The following PAPSS1 variants were observed in gnomAD, a reference collection of about 807,000 sequenced individuals.
The protein encoded by PAPSS1 is bifunctional 3'-phosphoadenosine 5'-phosphosulfate synthase 1.
Under a neutral mutation model 72.0 loss-of-function variants are expected in PAPSS1, and 50 were observed. That is an observed-to-expected ratio of 0.69 (90% CI 0.55 to 0.88). The LOEUF is 0.88. Ranked by LOEUF, PAPSS1 falls within the 40% of genes least tolerant of loss-of-function variation. The probability of loss-of-function intolerance (pLI) is 0.00; values close to 1 mark genes in which losing one functional copy is unlikely to be tolerated. For synonymous variants in PAPSS1, 261 were observed against 263.6 expected, an observed-to-expected ratio of 0.99 and a Z score of 0.09; for missense variants, 657 against 782.2, an observed-to-expected ratio of 0.84 and a Z score of 1.91.
intron 5 of PAPSS1, among the ~76,000 whole-genome samples, chr4:107,679,097 G>A (rs1727734599): frequency 6.6e-6 from 1 of 152,144 alleles, no homozygotes; most frequent in Non-Finnish European, 1.5e-5. Flanking sequence ...TATGCAGGGA[G>A]GGGAAGGAGC....
rs758487025 is a variant in PAPSS1, at chr4:107,720,204, G to C, written c.-25C>G. On this transcript the variant is annotated 5_prime_UTR_variant, in exon 1 of 12. Coordinates refer to ENST00000265174, the MANE Select transcript of PAPSS1 (RefSeq NM_005443.5). ...TGACCGCGGAGCGCGCTGAGCAGCC[G>C]GGGTTCTCTGCGCCGGGAGGGTAGC... 4.4e-6 allele frequency: 7 copies of C among 1,594,340 alleles called. No homozygotes were observed. The highest frequency in any genetic ancestry group is 4.1e-5 in the African/African-American group (3 of 72,918).
chr4:107,699,248 T>C (rs1723148084), intron 2 of PAPSS1, among the ~76,000 whole-genome samples: 1 of 151,770 alleles, frequency 6.6e-6, no homozygotes, highest in East Asian at 1.9e-4. Context: ...TATTACAAGA[T>C]TTAGACAACA....
At chr4:107,615,940 G>A (rs78684711) in intron 11 of PAPSS1, among the ~76,000 whole-genome samples, 5,568 of 152,174 alleles carry the variant, frequency 0.037, 357 homozygotes, top group African/African-American at 0.13. Context: ...ACCAGACACC[G>A]CATCTGCTGG....
intron 10 of PAPSS1, 97 bp downstream of exon 10, chr4:107,644,705 C>A: frequency 8.3e-7 from 1 of 1,205,064 alleles, no homozygotes; most frequent in Non-Finnish European, 1.2e-6. Context: ...TGGAACAGGC[C>A]TACAGAGCAC....
chr4:107,717,387 C>A (rs1353986679), intron 1 of PAPSS1, among the ~76,000 whole-genome samples: 2 of 152,118 alleles, frequency 1.3e-5, no homozygotes, highest in Non-Finnish European at 2.9e-5. Flanking sequence ...GTTTTGTCAT[C>A]TATAAAATGC....
chr4:107,632,797 TAA>T (rs1218686762), intron 10 of PAPSS1, among the ~76,000 whole-genome samples: 2 of 152,204 alleles, frequency 1.3e-5, no homozygotes, highest in Non-Finnish European at 2.9e-5. Context: ...CCTTTCAGTG[TAA>T]GTCTCCATTA....
chr4:107,630,593 T>C (rs767416573), intron 11 of PAPSS1, among the ~76,000 whole-genome samples: 1 of 152,232 alleles, frequency 6.6e-6, no homozygotes, highest in Non-Finnish European at 1.5e-5. Flanking sequence ...TCGTTTTTTA[T>C]AGCACTGTGA....
At chr4:107,659,886 A>G (rs567900617) in intron 6 of PAPSS1, 73 bp downstream of exon 6, 130 of 810,330 alleles carry the variant, frequency 1.6e-4, no homozygotes, top group Admixed American at 3.0e-4. Flanking sequence ...AAATACTGCT[A>G]TAAGTCACAA....
chr4:107,653,709 C>A, intron 8 of PAPSS1, 83 bp from the exon 9 acceptor site: 1 of 1,095,302 alleles, frequency 9.1e-7, no homozygotes, highest in South Asian at 1.8e-5. Flanking sequence ...TAAATACAGT[C>A]GTTGTAAGCT....
At chr4:107,673,132 G>C (rs369469884) in intron 5 of PAPSS1, among the ~76,000 whole-genome samples, 1 of 152,166 alleles carries the variant, frequency 6.6e-6, no homozygotes, top group African/African-American at 2.4e-5. Context: ...AGAAAAATTG[G>C]AAACTCTAAA....
intron 1 of PAPSS1, among the ~76,000 whole-genome samples, chr4:107,705,589 C>G (rs1481016681): frequency 1.3e-5 from 2 of 152,224 alleles, no homozygotes; most frequent in Non-Finnish European, 2.9e-5. Context: ...CGAACTAATA[C>G]AGACTGGCAT....
At chr4:107,674,294 A>C (rs1283401009) in intron 5 of PAPSS1, among the ~76,000 whole-genome samples, 4 of 152,178 alleles carry the variant, frequency 2.6e-5, no homozygotes, top group Admixed American at 1.3e-4. Context: ...AACCCATCTC[A>C]CGTGCAGAGA....
chr4:107,686,988 G>A (rs375198102), intron 4 of PAPSS1, 51 bp downstream of exon 4: 1 of 1,501,582 alleles, frequency 6.7e-7, no homozygotes, highest in South Asian at 1.2e-5. Context: ...CCTAGATATG[G>A]GAACATAAAA....
intron 10 of PAPSS1, among the ~76,000 whole-genome samples, chr4:107,636,001 G>A (rs1560567586): frequency 6.6e-6 from 1 of 152,096 alleles, no homozygotes; most frequent in Non-Finnish European, 1.5e-5. Flanking sequence ...GACAAAGCAG[G>A]CATGTGAGTG....
At chr4:107,638,537 A>C (rs1208666413) in intron 10 of PAPSS1, among the ~76,000 whole-genome samples, 2 of 152,194 alleles carry the variant, frequency 1.3e-5, no homozygotes, top group African/African-American at 4.8e-5. Context: ...AGGTGAGAAC[A>C]GTATCAGCCC....
intron 1 of PAPSS1, among the ~76,000 whole-genome samples, chr4:107,705,221 G>GA (rs1168757553): frequency 2.6e-5 from 4 of 152,244 alleles, no homozygotes; most frequent in African/African-American, 7.2e-5. Flanking sequence ...AAGAGTTTGA[G>GA]AAAAAATCGT....
chr4:107,699,367 A>C (rs1045742485), intron 2 of PAPSS1, among the ~76,000 whole-genome samples: 1 of 152,186 alleles, frequency 6.6e-6, no homozygotes, highest in Admixed American at 6.5e-5. Context: ...ATTTATAAAA[A>C]TACAGTAACT....
intron 10 of PAPSS1, among the ~76,000 whole-genome samples, chr4:107,637,112 C>A (rs915627308): frequency 3.9e-5 from 6 of 152,276 alleles, no homozygotes; most frequent in Admixed American, 3.9e-4. Flanking sequence ...AGTCAATGAT[C>A]GCTGATGGAT....
intron 3 of PAPSS1, among the ~76,000 whole-genome samples, chr4:107,690,407 T>C (rs538544618): frequency 1.3e-5 from 2 of 152,332 alleles, no homozygotes; most frequent in African/African-American, 4.8e-5. Context: ...GTCTAACTAG[T>C]ATACTCTGAT....
Sources: gnomAD v4.1 joint callset for allele counts (sites outside exome capture counted in the v4.1 genomes callset) on GRCh38, gnomAD v4.1.1 for gene constraint, MANE v1.5 for transcripts, NCBI Gene and HGNC (gene_info 2026-07-23, HGNC 2026-07-21) for gene names.